Variants in RAI14 observed in about 807,000 individuals in gnomAD.
RAI14 encodes ankycorbin.
In RAI14, 45 loss-of-function variants were observed where a neutral mutation model predicts 115.4. The observed-to-expected ratio is 0.39, with a 90% confidence interval of 0.31 to 0.50. The LOEUF (loss-of-function observed/expected upper bound fraction) is 0.50. Among genes scored for constraint, RAI14 ranks in the 20% least tolerant of loss-of-function variants. The pLI, the probability that RAI14 is intolerant of heterozygous loss-of-function variation, is 0.85. For missense variants in RAI14, 939 were observed against 1,131.2 expected (o/e 0.83, Z 2.44); for synonymous variants, 371 against 415.4 (o/e 0.89, Z 1.30).
At chr5:34,747,230 G>T (rs964547112) in intron 2 of RAI14, among the ~76,000 whole-genome samples, 2 of 152,146 alleles carry the variant, frequency 1.3e-5, no homozygotes, top group Admixed American at 6.5e-5. Context: ...TAACTTCTTT[G>T]TTATTTTCCT....
rs923144857 is a variant in RAI14, at chr5:34,821,596, C to T, written c.995-136C>T. ...TATATAAAATGAAAATTTTAGTTCACCCATCCAGCTGCTAGGGCGTTTTAT... is the reference window on the plus strand; with the variant it reads ...TATATAAAATGAAAATTTTAGTTCATCCATCCAGCTGCTAGGGCGTTTTAT... On this transcript the variant is annotated intron_variant, in intron 13 of 17. Coordinates refer to ENST00000265109, the MANE Select transcript of RAI14 (RefSeq NM_015577.3). The T allele has an allele frequency of 5.1e-6, 3 of 590,674 alleles. No homozygotes were observed. In the African/African-American group the frequency reaches 5.6e-5, roughly 11 times the overall value. 36.6% of individuals were successfully genotyped at this position (590,674 alleles called of 1,614,324 possible).
chr5:34,678,025 G>A (rs980740395), intron 1 of RAI14, among the ~76,000 whole-genome samples: 15 of 152,050 alleles, frequency 9.9e-5, no homozygotes, highest in African/African-American at 3.6e-4. Flanking sequence ...AATCCCTCTA[G>A]GGATCGCTGT....
chr5:34,724,995 C>G (rs74868670), intron 2 of RAI14, among the ~76,000 whole-genome samples: 2,735 of 151,642 alleles, frequency 0.018, 79 homozygotes, highest in African/African-American at 0.061. Flanking sequence ...GCCTGGGTCT[C>G]TGTAAAATAT....
At chr5:34,695,315 C>T in intron 2 of RAI14, among the ~76,000 whole-genome samples, 1 of 152,164 alleles carries the variant, frequency 6.6e-6, no homozygotes, top group Non-Finnish European at 1.5e-5. Context: ...ATACCCTATA[C>T]AGTAGTTCTA....
At chr5:34,767,647 G>A (rs980028469) in intron 3 of RAI14, among the ~76,000 whole-genome samples, 21 of 129,480 alleles carry the variant, frequency 1.6e-4, no homozygotes, top group Admixed American at 6.0e-4. Flanking sequence ...CAAGTCTGGC[G>A]TATCATTCAA....
chr5:34,781,496 A>G (rs773324973), intron 3 of RAI14, among the ~76,000 whole-genome samples: 1 of 152,156 alleles, frequency 6.6e-6, no homozygotes, highest in Non-Finnish European at 1.5e-5. Context: ...CAAAAGAACT[A>G]CCTCAGAGGG....
intron 8 of RAI14, 123 bp downstream of exon 8, chr5:34,811,241 T>G: frequency 8.8e-7 from 1 of 1,136,824 alleles, no homozygotes; most frequent in Non-Finnish European, 1.2e-6. Context: ...TCTTACCTTT[T>G]TAAAGTTCTA....
intron 16 of RAI14, among the ~76,000 whole-genome samples, 176 bp from the exon 17 acceptor site, chr5:34,829,556 G>A (rs185207361): frequency 4.6e-5 from 7 of 152,230 alleles, no homozygotes; most frequent in Non-Finnish European, 1.5e-5. Context: ...TGATTGACAA[G>A]TATTCAGAAA....
chr5:34,785,920 C>T (rs1030792423), intron 3 of RAI14, among the ~76,000 whole-genome samples: 11 of 152,184 alleles, frequency 7.2e-5, no homozygotes, highest in African/African-American at 2.7e-4. Flanking sequence ...TATTTGTACC[C>T]CTTTTAAATG....
At chr5:34,824,808 G>T (rs942654818) in intron 15 of RAI14, among the ~76,000 whole-genome samples, 8 of 152,062 alleles carry the variant, frequency 5.3e-5, no homozygotes, top group African/African-American at 1.9e-4. Context: ...GCTGGGCGTG[G>T]TGGCACACGC....
intron 1 of RAI14, among the ~76,000 whole-genome samples, chr5:34,668,700 A>C (rs1423318155): frequency 1.3e-5 from 2 of 152,118 alleles, no homozygotes; most frequent in Non-Finnish European, 2.9e-5. Flanking sequence ...GGAAAAAAAA[A>C]CTATTTAAAA....
chr5:34,672,986 T>C (rs1743725926), intron 1 of RAI14, among the ~76,000 whole-genome samples: 1 of 152,144 alleles, frequency 6.6e-6, no homozygotes, highest in Non-Finnish European at 1.5e-5. Flanking sequence ...CTCAGTTCTG[T>C]GGAGTCAAGT....
At chr5:34,773,605 A>G (rs1363117161) in intron 3 of RAI14, among the ~76,000 whole-genome samples, 1 of 152,216 alleles carries the variant, frequency 6.6e-6, no homozygotes, top group Non-Finnish European at 1.5e-5. Flanking sequence ...ACATGAATAG[A>G]TATTTCTCAA....
At chr5:34,676,153 T>G (rs1490873544) in intron 1 of RAI14, among the ~76,000 whole-genome samples, 1 of 152,218 alleles carries the variant, frequency 6.6e-6, no homozygotes, top group African/African-American at 2.4e-5. Flanking sequence ...GGATTGGATC[T>G]CTATGTTTAA....
At chr5:34,721,877 T>C (rs1220252569) in intron 2 of RAI14, among the ~76,000 whole-genome samples, 4 of 151,850 alleles carry the variant, frequency 2.6e-5, no homozygotes, top group Non-Finnish European at 4.4e-5. Context: ...CGCCCAGCTG[T>C]TTTGTAGTTT....
At chr5:34,796,898 T>C (rs890308874) in intron 4 of RAI14, among the ~76,000 whole-genome samples, 1 of 152,188 alleles carries the variant, frequency 6.6e-6, no homozygotes, top group Non-Finnish European at 1.5e-5. Context: ...GAGATTCAGA[T>C]TCCATTGTCT....
At chr5:34,713,317 G>A (rs981265548) in intron 2 of RAI14, among the ~76,000 whole-genome samples, 12 of 152,050 alleles carry the variant, frequency 7.9e-5, no homozygotes, top group East Asian at 3.9e-4. Context: ...GAGGGATTAC[G>A]GAGGGGAAGG....
intron 3 of RAI14, among the ~76,000 whole-genome samples, chr5:34,792,108 C>T (rs571718492): frequency 3.5e-4 from 54 of 152,248 alleles, no homozygotes; most frequent in African/African-American, 9.6e-4. Context: ...TTCCCAGAAG[C>T]GCATACCCAG....
intron 1 of RAI14, chr5:34,686,374 G>T (rs1464086785): frequency 1.3e-5 from 2 of 152,268 alleles, no homozygotes; most frequent in Non-Finnish European, 2.9e-5. Context: ...TGGATGGGGA[G>T]ATGTTGGTCA....
Sources: allele counts gnomAD v4.1 joint callset (sites outside exome capture counted in the v4.1 genomes callset), GRCh38; gene constraint gnomAD v4.1.1; transcripts MANE v1.5; gene names NCBI Gene and HGNC (gene_info 2026-07-23, HGNC 2026-07-21).